CETP: variants seen among roughly 807,000 people sequenced by gnomAD.
CETP encodes the protein BPI fold containing family F.
CETP carries 56 observed loss-of-function variants against 66.5 expected under a neutral mutation model. That is an observed-to-expected ratio of 0.84 (90% CI 0.68 to 1.05). The LOEUF is 1.05. Ranked by LOEUF, CETP falls within the 50% of genes least tolerant of loss-of-function variation. The pLI is 0.00. For synonymous variants in CETP, 251 were observed against 245.7 expected (o/e 1.02, Z -0.20); for missense variants, 612 against 609.6 (o/e 1.00, Z -0.04).
intron 2 of CETP, among the ~76,000 whole-genome samples, chr16:56,967,367 A>C (rs551010491): frequency 4.0e-4 from 56 of 140,578 alleles, no homozygotes; most frequent in African/African-American, 1.3e-3. Context: ...AACAAACAAA[A>C]AAAACGGGTT....
intron 5 of CETP, 46 bp from the exon 6 acceptor site, chr16:56,970,987 T>G: frequency 6.3e-7 from 1 of 1,585,070 alleles, no homozygotes; most frequent in Non-Finnish European, 8.7e-7. Flanking sequence ...GCTCCATGGA[T>G]GCACAGGACT....
At chr16:56,962,172 C>A in intron 1 of CETP, 75 bp downstream of exon 1, 1 of 1,301,682 alleles carries the variant, frequency 7.7e-7, no homozygotes, top group Non-Finnish European at 1.1e-6. Context: ...GCCTCCCTGG[C>A]CTGAAGCCAG....
intron 4 of CETP, 101 bp from the exon 5 acceptor site, chr16:56,969,813 G>A: frequency 1.3e-6 from 2 of 1,533,166 alleles, no homozygotes; most frequent in Non-Finnish European, 1.8e-6. Flanking sequence ...TTGCAGGGGT[G>A]GGGACCCCAG....
rs566144069 is a variant in CETP, at chr16:56,973,528, G to T, written c.930+18G>T. 6.2e-7 allele frequency: 1 copy of T among 1,613,940 alleles called. No homozygotes were observed. Among genetic ancestry groups the T allele is most frequent in the African/African-American group, 1.3e-5 (1 of 75,038 alleles). On this transcript the variant is annotated intron_variant, in intron 9 of 15. Coordinates refer to ENST00000200676, the MANE Select transcript of CETP (RefSeq NM_000078.3). ...AGTTCAAGGTGAGTGGGTGGGGCTG[G>T]GCTGCTAGGGGATCCAGATGGCATG...
At chr16:56,963,287 C>T (rs1222466654) in intron 2 of CETP, among the ~76,000 whole-genome samples, 163 bp downstream of exon 2, 3 of 152,122 alleles carry the variant, frequency 2.0e-5, no homozygotes, top group Non-Finnish European at 4.4e-5. Context: ...CCCCACCCTC[C>T]ATCCCCTGGT....
rs536374686 is a variant in CETP, at chr16:56,979,672, G to A, written c.1146+1417G>A. Among the ~76,000 whole-genome samples the A allele has an allele frequency of 1.6e-4, 24 of 152,186 alleles. No individual in the cohort carries two copies. In the East Asian group the frequency reaches 2.9e-3, roughly 18 times the overall value. On this transcript the variant is annotated intron_variant, in intron 11 of 15. Transcript: ENST00000200676. The stretch of plus-strand genomic sequence containing the variant: ...TGGCACTACAGGCGCGTGCCACCAC[G>A]CCCAGCTAATTTTTAGTAGAGGCGG...
chr16:56,964,524 C>T (rs1596994736), intron 2 of CETP, among the ~76,000 whole-genome samples: 1 of 152,272 alleles, frequency 6.6e-6, no homozygotes, highest in South Asian at 2.1e-4. Flanking sequence ...GAGCCTGGGT[C>T]CCGGTCTGTG....
chr16:56,981,610 A>G, intron 12 of CETP, 37 bp from the exon 13 acceptor site: 1 of 1,612,430 alleles, frequency 6.2e-7, no homozygotes, highest in Non-Finnish European at 8.5e-7. Flanking sequence ...GAGGGGGCCC[A>G]ATGGAGGGTC....
intron 4 of CETP, 97 bp downstream of exon 4, chr16:56,969,778 C>T: frequency 6.4e-7 from 1 of 1,555,332 alleles, no homozygotes; most frequent in Non-Finnish European, 8.8e-7. Context: ...TCTGGGGCCA[C>T]CAAAGGAGGC....
intron 14 of CETP, 40 bp from the exon 15 acceptor site, chr16:56,983,286 C>T: frequency 6.3e-7 from 1 of 1,591,986 alleles, no homozygotes. Context: ...CGGCCTTGCT[C>T]CCCAAGAAGG....
chr16:56,967,437 C>T (rs2056075611), intron 2 of CETP, among the ~76,000 whole-genome samples: 1 of 151,994 alleles, frequency 6.6e-6, no homozygotes, highest in African/African-American at 2.4e-5. Flanking sequence ...GGGGGAATCA[C>T]CTGAGGTCAG....
intron 2 of CETP, among the ~76,000 whole-genome samples, chr16:56,967,359 C>CA (rs1215088492): frequency 1.3e-4 from 17 of 127,456 alleles, no homozygotes; most frequent in East Asian, 6.9e-4. Context: ...AACAAACAAA[C>CA]AAACAAAAAA....
chr16:56,962,567 G>A (rs2056031787), intron 1 of CETP, among the ~76,000 whole-genome samples: 1 of 152,102 alleles, frequency 6.6e-6, no homozygotes, highest in African/African-American at 2.4e-5. Context: ...CTGGGCCTCA[G>A]TCTCTTGCTC....
At position 56,981,195 on chromosome 16, in the gene CETP, A is replaced by G. The variant is rs770008221; in HGVS notation, c.1184A>G (p.Lys395Arg). ...VTTVQASYSK[K>R]KLFLSLLDFQ... ...ACCGTCCAGGCCTCCTATTCTAAGA[A>G]AAAGCTCTTCTTAAGCCTCTTGGAT... is the stretch of plus-strand genomic sequence containing the variant. Residue 395 changes from lysine to arginine, a missense_variant, in exon 12 of 16, where the codon AAA becomes AGA. Coordinates refer to ENST00000200676, the MANE Select transcript of CETP (RefSeq NM_000078.3). 3.2e-5 allele frequency: 51 copies of G among 1,613,816 alleles called. No homozygotes were observed. The Admixed American group carries it at 6.0e-4, about 19-fold the overall frequency.
chr16:56,977,738 GA>G lies in CETP; in HGVS notation c.982-352del, dbSNP rs1312049095. Among the ~76,000 whole-genome samples the G allele has an allele frequency of 1.9e-3, 294 of 152,284 alleles. 2 individuals carry two copies. Among genetic ancestry groups the G allele is most frequent in the South Asian group, 3.9e-3 (19 of 4,832 alleles). ...GGTCCTGTTCTAAGCTCTTTCCACA[GA>G]TTATCTCATTCCATCCTCAGGACAA... On this transcript the variant is annotated intron_variant, in intron 10 of 15. Transcript: ENST00000200676.
chr16:56,972,326 C>T (rs1436609664), intron 8 of CETP, among the ~76,000 whole-genome samples: 1 of 152,230 alleles, frequency 6.6e-6, no homozygotes, highest in Non-Finnish European at 1.5e-5. Context: ...CCCAGCAAAG[C>T]ACCAGCTCCT....
Position 56,982,178 on chromosome 16 carries a change from C to T in CETP, c.1262C>T (p.Ser421Phe), listed in dbSNP as rs755542747. The stretch of plus-strand genomic sequence containing the variant: ...TTTGATTGGCAGAGCAGCTCCGAGT[C>T]CGTCCAGAGCTTCCTGCAGTCAATG... ...VSNLTESSSE[S>F]VQSFLQSMIT... is the part of the protein sequence containing the mutation. Residue 421 changes from serine (S) to phenylalanine (F), a missense_variant, in exon 14 of 16, where the codon TCC becomes TTC. By Grantham distance (155) the Ser-to-Phe change is radical (BLOSUM62 -2). Transcript: ENST00000200676. 13 of 1,613,940 alleles carry T rather than the reference C, an allele frequency of 8.1e-6. No individual in the cohort carries two copies. Among genetic ancestry groups the T allele is most frequent in the Admixed American group, 5.0e-5 (3 of 59,998 alleles).
At chr16:56,966,915 G>T (rs1407201577) in intron 2 of CETP, among the ~76,000 whole-genome samples, 2 of 151,762 alleles carry the variant, frequency 1.3e-5, no homozygotes, top group Non-Finnish European at 2.9e-5. Context: ...GCCTGGCCCA[G>T]TCTGACTGTT....
rs765366000 is a variant in CETP, at chr16:56,975,083, T to G, written c.931-18T>G. The G allele has an allele frequency of 6.2e-7, 1 of 1,613,800 alleles. No individual in the cohort carries two copies. Reference sequence around the variant, plus strand: ...GACTTTACTCCACCCACCCTCCAACTTCCTCATTTCTTTTCAGGCAGTGCT... The same window carrying G: ...GACTTTACTCCACCCACCCTCCAACGTCCTCATTTCTTTTCAGGCAGTGCT... On this transcript the variant is annotated intron_variant, in intron 9 of 15. Transcript: ENST00000200676.
Sources: gnomAD v4.1 joint callset for allele counts (sites outside exome capture counted in the v4.1 genomes callset) on GRCh38, gnomAD v4.1.1 for gene constraint, MANE v1.5 for transcripts, NCBI Gene and HGNC (gene_info 2026-07-23, HGNC 2026-07-21) for gene names.